Variants in DCTN5 observed in about 807,000 individuals in gnomAD.
The protein encoded by DCTN5 is dynactin 4.
Under a neutral mutation model 23.5 loss-of-function variants are expected in DCTN5, and 14 were observed. The ratio of observed to expected loss-of-function variants is 0.60; its 90% confidence interval spans 0.39 to 0.93. The LOEUF is 0.93. DCTN5 is among the 40% of genes least tolerant of loss of function. The probability of loss-of-function intolerance (pLI) is 0.00; values close to 1 mark genes in which losing one functional copy is unlikely to be tolerated. For synonymous variants in DCTN5, 67 were observed against 79.6 expected (o/e 0.84, Z 0.84); for missense variants, 156 against 225.9 (o/e 0.69, Z 1.98).
chr16:23,658,853 TCAAA>T (rs1353693206), intron 3 of DCTN5, among the ~76,000 whole-genome samples: 1 of 152,070 alleles, frequency 6.6e-6, no homozygotes, highest in Admixed American at 6.6e-5. Context: ...GGATTTCTGA[TCAAA>T]CAGACTGGCG....
At chr16:23,663,906 C>T (rs1157451598) in intron 4 of DCTN5, among the ~76,000 whole-genome samples, 1 of 152,214 alleles carries the variant, frequency 6.6e-6, no homozygotes, top group Non-Finnish European at 1.5e-5. Flanking sequence ...GAGCAGGTGC[C>T]TTCAGGCTGC....
At chr16:23,649,613 C>T (rs1021451451) in intron 2 of DCTN5, among the ~76,000 whole-genome samples, 10 of 152,040 alleles carry the variant, frequency 6.6e-5, no homozygotes, top group African/African-American at 4.8e-5. Context: ...GAGGCCAAGG[C>T]GGGCGGATCA....
At position 23,645,087 on chromosome 16, in the gene DCTN5, A is replaced by ATCTATATC. The variant is rs1390839669; in HGVS notation, c.117+2065_117+2066insCTATATCT. On this transcript the variant is annotated intron_variant, in intron 2 of 5. Coordinates refer to ENST00000300087, the MANE Select transcript of DCTN5 (RefSeq NM_032486.4). ...GAGCCACTGCACCCAGCCTAACTAT[A>ATCTATATC]TATATATATATATATATATATATAT... is the stretch of plus-strand genomic sequence containing the variant. 3.1e-3 allele frequency among the ~76,000 whole-genome samples: 34 copies of ATCTATATC among 11,048 alleles called. 1 individual carries two copies. The East Asian group carries it at 0.083, about 27-fold the overall frequency. 7.2% of individuals were successfully genotyped at this position (11,048 alleles called of 152,430 possible).
At chr16:23,657,085 C>T (rs1030957080) in intron 2 of DCTN5, among the ~76,000 whole-genome samples, 1 of 152,092 alleles carries the variant, frequency 6.6e-6, no homozygotes, top group African/African-American at 2.4e-5. Flanking sequence ...TCACCTGTAT[C>T]CTCCATGCAG....
At chr16:23,645,588 G>A (rs1408314692) in intron 2 of DCTN5, among the ~76,000 whole-genome samples, 1 of 152,104 alleles carries the variant, frequency 6.6e-6, no homozygotes, top group Non-Finnish European at 1.5e-5. Flanking sequence ...CTGATAGCCT[G>A]AATCTACTTT....
At chr16:23,643,452 CA>C (rs776593520) in intron 2 of DCTN5, among the ~76,000 whole-genome samples, 1 of 152,018 alleles carries the variant, frequency 6.6e-6, no homozygotes, top group Non-Finnish European at 1.5e-5. Flanking sequence ...CTCGGCCTCC[CA>C]AAGTGCTGGG....
intron 3 of DCTN5, 110 bp downstream of exon 3, chr16:23,658,735 C>G: frequency 1.2e-6 from 1 of 816,424 alleles, no homozygotes; most frequent in South Asian, 1.5e-5. Context: ...GTTTGAAGCA[C>G]TGAGTAAGAG....
rs1049493111 is a variant in DCTN5 at position 23,671,092 on chromosome 16, G to A, written c.*3948G>A. 4.6e-5 allele frequency: 7 copies of A among 152,196 alleles called. No individual in the cohort carries two copies. The allele number at this position is 152,196 out of a possible 1,614,324, so 9.4% of individuals were successfully genotyped here. A position where few individuals can be genotyped will look rare whatever the true frequency, so the allele number is the denominator to read the frequency against. On this transcript the variant is annotated 3_prime_UTR_variant, in exon 6 of 6. Coordinates refer to ENST00000300087, the MANE Select transcript of DCTN5 (RefSeq NM_032486.4). ...CCATTTTGAGAGCCATCATAGTGGTGAGGAGTGTGAGTGCTAGAGTCAGGC... is the reference window on the plus strand; with the variant it reads ...CCATTTTGAGAGCCATCATAGTGGTAAGGAGTGTGAGTGCTAGAGTCAGGC...
chr16:23,667,321 AACAG>A lies in DCTN5; in HGVS notation c.*184_*187del. 1.4e-6 allele frequency: 1 copy of A among 709,360 alleles called. No individual in the cohort carries two copies. Among genetic ancestry groups the A allele is most frequent in the Non-Finnish European group, 2.3e-6 (1 of 436,450 alleles). The allele number at this position is 709,360 out of a possible 1,614,324, so 43.9% of individuals were successfully genotyped here. ...GGCTCTAAGTGCTTAAGAATTCACT[AACAG>A]ACAGACCATCTGGAGGAGCTGTCTT... is the stretch of plus-strand genomic sequence containing the variant. On this transcript the variant is annotated 3_prime_UTR_variant, in exon 6 of 6. Transcript: ENST00000300087.
At position 23,672,516 on chromosome 16, in the gene DCTN5, G is replaced by C. The variant is rs373366674; in HGVS notation, c.*5372G>C. 2.0e-4 allele frequency: 31 copies of C among 152,344 alleles called. No homozygotes were observed. Among genetic ancestry groups the C allele is most frequent in the African/African-American group, 7.2e-4 (30 of 41,568 alleles). 9.4% of individuals were successfully genotyped at this position (152,344 alleles called of 1,614,324 possible). A position where few individuals can be genotyped will look rare whatever the true frequency, so the allele number is the denominator to read the frequency against. ...ATCATACTGTGTTTTGGTAGGGAGG[G>C]AGGGAGGAAGCAAGCAAGTGAACAA... On this transcript the variant is annotated 3_prime_UTR_variant, in exon 6 of 6. Transcript: ENST00000300087.
chr16:23,666,556 T>A (rs1967910045), intron 5 of DCTN5: 1 of 160,550 alleles, frequency 6.2e-6, no homozygotes. Flanking sequence ...AGACAGTATC[T>A]TCTTCTCCAT....
chr16:23,655,076 T>TA (rs1243284735), intron 2 of DCTN5, among the ~76,000 whole-genome samples: 1 of 152,242 alleles, frequency 6.6e-6, no homozygotes, highest in African/African-American at 2.4e-5. Flanking sequence ...GTTAGAATCA[T>TA]ATACTCTTTT....
At chr16:23,658,716 G>A in intron 3 of DCTN5, 91 bp downstream of exon 3, 1 of 958,866 alleles carries the variant, frequency 1.0e-6, no homozygotes, top group Non-Finnish European at 1.7e-6. Context: ...TAATGACTAG[G>A]TCTGTCCTGT....
intron 2 of DCTN5, 150 bp downstream of exon 2, chr16:23,643,173 G>T: frequency 1.4e-6 from 1 of 689,976 alleles, no homozygotes; most frequent in Non-Finnish European, 2.4e-6. Context: ...TTTGTAAATT[G>T]GATCTCCTTT....
In DCTN5 at chr16:23,645,122, TATATATATATATA is replaced by T. The variant is rs1407314517; in HGVS notation, c.117+2100_117+2112del. Among the ~76,000 whole-genome samples, 233 of 40,872 alleles carry T rather than the reference TATATATATATATA, an allele frequency of 5.7e-3. 15 individuals are homozygous for T. Among genetic ancestry groups the T allele is most frequent in the African/African-American group, 0.01 (103 of 9,940 alleles). The allele number at this position is 40,872 out of a possible 152,430, so 26.8% of individuals were successfully genotyped here. A position where few individuals can be genotyped will look rare whatever the true frequency, so the allele number is the denominator to read the frequency against. On this transcript the variant is annotated intron_variant, in intron 2 of 5. Coordinates refer to ENST00000300087, the MANE Select transcript of DCTN5 (RefSeq NM_032486.4). ...ATATATATATATATATATATATATA[TATATATATATATA>T]TATTTTTTTTTTTTTTAATACGCAG... is the stretch of plus-strand genomic sequence containing the variant.
chr16:23,645,138 T>A (rs1480533469), intron 2 of DCTN5, among the ~76,000 whole-genome samples: 1 of 35,142 alleles, frequency 2.8e-5, no homozygotes. Context: ...TATATATATA[T>A]TTTTTTTTTT....
At chr16:23,644,952 G>T (rs984024596) in intron 2 of DCTN5, among the ~76,000 whole-genome samples, 9 of 147,648 alleles carry the variant, frequency 6.1e-5, no homozygotes, top group African/African-American at 2.2e-4. Context: ...GCTAATTTTT[G>T]TATTTTTAGT....
intron 2 of DCTN5, chr16:23,650,789 A>T: frequency 6.5e-7 from 1 of 1,533,042 alleles, no homozygotes; most frequent in Non-Finnish European, 8.7e-7. Context: ...GAGCCCATAT[A>T]TCAGATGTCA....
intron 2 of DCTN5, among the ~76,000 whole-genome samples, chr16:23,648,659 G>A (rs930413555): frequency 6.6e-6 from 1 of 151,590 alleles, no homozygotes; most frequent in African/African-American, 2.4e-5. Flanking sequence ...CCTATTTGTA[G>A]TTTTTTTAAG....
Sources: allele counts gnomAD v4.1 joint callset (sites outside exome capture counted in the v4.1 genomes callset), GRCh38; gene constraint gnomAD v4.1.1; transcripts MANE v1.5; gene names NCBI Gene and HGNC (gene_info 2026-07-23, HGNC 2026-07-21).